Variants in GSE1 observed in about 807,000 individuals in gnomAD.
The protein encoded by GSE1 is Gse1 coiled-coil protein, also known as genetic suppressor element 1.
In GSE1, 32 loss-of-function variants were observed where a neutral mutation model predicts 112.6. That is an observed-to-expected ratio of 0.28 (90% CI 0.21 to 0.38). GSE1 has a LOEUF of 0.38. GSE1 is among the 10% of genes least tolerant of loss of function. The pLI is 1.00. For synonymous variants in GSE1, 1,115 were observed against 735.6 expected, an observed-to-expected ratio of 1.52 and a Z score of -8.35; for missense variants, 2,348 against 1,699.2, an observed-to-expected ratio of 1.38 and a Z score of -6.71.
At chr16:85,325,846 T>G (rs963129540) in intron 1 of GSE1, among the ~76,000 whole-genome samples, 1 of 151,510 alleles carries the variant, frequency 6.6e-6, no homozygotes, top group African/African-American at 2.4e-5. Flanking sequence ...AACCTCCGCC[T>G]CCAGGGTTCA....
intron 1 of GSE1, among the ~76,000 whole-genome samples, chr16:85,237,361 T>C (rs1904767123): frequency 1.3e-5 from 2 of 151,640 alleles, no homozygotes; most frequent in African/African-American, 2.4e-5. Flanking sequence ...ACAATAGAAA[T>C]GGCATTAGAG....
chr16:85,634,000 T>A lies in GSE1; in HGVS notation c.94T>A (p.Ser32Thr). 1.9e-6 allele frequency: 3 copies of A among 1,609,818 alleles called. No homozygotes were observed. The South Asian group carries it at 3.3e-5, about 18-fold the overall frequency. ...CGCCACCGTCAACCCCCTCACCCCC[T>A]CGCCGCTCAATGGCGCCCTGGTGCC... ...TTATVNPLTP[S>T]PLNGALVPSG... is the part of the protein sequence containing the mutation. Residue 32 changes from serine (S) to threonine (T), a missense_variant, in exon 2 of 16, where the codon TCG (serine) becomes ACG (threonine). Physicochemically the swap from Ser to Thr is moderately conservative, Grantham distance 58 (BLOSUM62 1). Coordinates refer to ENST00000253458, the MANE Select transcript of GSE1 (RefSeq NM_014615.5).
At chr16:85,587,178 C>CG (rs1182964395) in intron 1 of GSE1, among the ~76,000 whole-genome samples, 7 of 150,692 alleles carry the variant, frequency 4.6e-5, no homozygotes, top group African/African-American at 1.7e-4. Flanking sequence ...ACCCCCCCCC[C>CG]CCCAGACCAG....
chr16:85,626,851 C>T (rs1463296078), intron 1 of GSE1, among the ~76,000 whole-genome samples: 2 of 151,904 alleles, frequency 1.3e-5, no homozygotes, highest in East Asian at 3.9e-4. Flanking sequence ...AGGAATGGGA[C>T]ACCATATTTA....
chr16:85,474,459 GC>G (rs1347027007), intron 2 of GSE1, among the ~76,000 whole-genome samples: 2 of 152,102 alleles, frequency 1.3e-5, no homozygotes, highest in African/African-American at 4.8e-5. Flanking sequence ...TGCCAGAGGG[GC>G]CATGCCAGCC....
intron 2 of GSE1, among the ~76,000 whole-genome samples, chr16:85,537,056 C>G (rs534274606): frequency 6.6e-6 from 1 of 152,326 alleles, no homozygotes; most frequent in Admixed American, 6.5e-5. Flanking sequence ...TCCAGCACCT[C>G]GCCCAGGAAG....
chr16:85,613,686 T>G (rs1598383561), intron 1 of GSE1, among the ~76,000 whole-genome samples: 2 of 65,710 alleles, frequency 3.0e-5, no homozygotes, highest in Admixed American at 1.5e-4. Context: ...TTTAAGTGCG[T>G]GCGGGCTAGA....
chr16:85,499,373 T>G (rs1243094928), intron 2 of GSE1, among the ~76,000 whole-genome samples: 1 of 136,938 alleles, frequency 7.3e-6, no homozygotes, highest in Non-Finnish European at 1.5e-5. Context: ...TGCAGTGGCG[T>G]GATCTCGGCT....
chr16:85,573,755 G>A (rs919401798), intron 1 of GSE1, among the ~76,000 whole-genome samples: 4 of 152,220 alleles, frequency 2.6e-5, no homozygotes, highest in Non-Finnish European at 4.4e-5. Context: ...GTCTGGGCCC[G>A]GGAAGCATTT....
intron 1 of GSE1, among the ~76,000 whole-genome samples, chr16:85,354,353 T>C (rs1489408641): frequency 2.0e-5 from 3 of 152,204 alleles, no homozygotes; most frequent in Non-Finnish European, 4.4e-5. Flanking sequence ...CTCCATGCCT[T>C]GTTGGAAGGA....
chr16:85,550,826 G>A (rs1190185970), intron 2 of GSE1, among the ~76,000 whole-genome samples: 1 of 152,256 alleles, frequency 6.6e-6, no homozygotes, highest in Non-Finnish European at 1.5e-5. Context: ...GCTGGTGTTG[G>A]GTGGGGGGCT....
At chr16:85,507,507 C>T (rs2051578767) in intron 2 of GSE1, among the ~76,000 whole-genome samples, 1 of 152,238 alleles carries the variant, frequency 6.6e-6, no homozygotes, top group Admixed American at 6.5e-5. Context: ...TGGCAAAATG[C>T]CACACTCTGG....
intron 2 of GSE1, among the ~76,000 whole-genome samples, chr16:85,415,959 C>T (rs934903075): frequency 6.6e-6 from 1 of 152,224 alleles, no homozygotes; most frequent in Non-Finnish European, 1.5e-5. Flanking sequence ...TGGGTTTGCA[C>T]AGCCCAGGGA....
chr16:85,610,098 G>A (rs949807968), upstream of GSE1, among the ~76,000 whole-genome samples: 2 of 152,222 alleles, frequency 1.3e-5, no homozygotes, highest in African/African-American at 2.4e-5. Flanking sequence ...CCTGCCTTCC[G>A]CTCTTGGAGG....
At chr16:85,507,130 G>A (rs1415728463) in intron 2 of GSE1, among the ~76,000 whole-genome samples, 4 of 152,304 alleles carry the variant, frequency 2.6e-5, no homozygotes, top group East Asian at 1.9e-4. Flanking sequence ...ATCAGCGGGC[G>A]TCGTCGACGC....
At chr16:85,394,707 T>C (rs7194370) in intron 2 of GSE1, among the ~76,000 whole-genome samples, 4 of 152,142 alleles carry the variant, frequency 2.6e-5, no homozygotes, top group Non-Finnish European at 5.9e-5. Flanking sequence ...TTTGTCTTAG[T>C]TGGAGCAGAA....
intron 1 of GSE1, among the ~76,000 whole-genome samples, chr16:85,572,385 C>T (rs2046034909): frequency 1.4e-5 from 2 of 146,680 alleles, no homozygotes; most frequent in African/African-American, 5.0e-5. Context: ...CACCACATAC[C>T]CCCACACACA....
intron 1 of GSE1, among the ~76,000 whole-genome samples, chr16:85,626,868 TAG>T (rs2049113273): frequency 6.6e-6 from 1 of 151,142 alleles, no homozygotes. Flanking sequence ...TTTAATGGAG[TAG>T]AGAGGCCTCC....
At chr16:85,432,280 C>T (rs575823852) in intron 2 of GSE1, among the ~76,000 whole-genome samples, 1 of 152,378 alleles carries the variant, frequency 6.6e-6, no homozygotes, top group African/African-American at 2.4e-5. Flanking sequence ...ACAGCCATCC[C>T]TTCCAAGTAA....
Sources: gnomAD v4.1 joint callset for allele counts (sites outside exome capture counted in the v4.1 genomes callset) on GRCh38, gnomAD v4.1.1 for gene constraint, MANE v1.5 for transcripts, NCBI Gene and HGNC (gene_info 2026-07-23, HGNC 2026-07-21) for gene names.